The following NOS1 variants were observed in gnomAD, a reference collection of about 807,000 sequenced individuals.
NOS1 encodes NOS type I.
NOS1 carries 51 observed loss-of-function variants against 164.5 expected under a neutral mutation model. The ratio of observed to expected loss-of-function variants is 0.31; its 90% confidence interval spans 0.25 to 0.39. The LOEUF is 0.39. Among genes scored for constraint, NOS1 ranks in the 10% least tolerant of loss-of-function variants. The pLI, the probability that NOS1 is intolerant of heterozygous loss-of-function variation, is 1.00. For missense variants in NOS1, 1,362 were observed against 1,885.6 expected, an observed-to-expected ratio of 0.72 and a Z score of 5.14; for synonymous variants, 719 against 745.8, an observed-to-expected ratio of 0.96 and a Z score of 0.59.
chr12:117,349,988 G>A (rs1369865456), intron 1 of NOS1, among the ~76,000 whole-genome samples: 1 of 152,028 alleles, frequency 6.6e-6, no homozygotes, highest in Non-Finnish European at 1.5e-5. Context: ...ACCTCCCAAA[G>A]TGCTGGGTTT....
chr12:117,315,235 G>A (rs1874618019), intron 2 of NOS1, among the ~76,000 whole-genome samples: 1 of 151,782 alleles, frequency 6.6e-6, no homozygotes, highest in African/African-American at 2.4e-5. Context: ...AGATAGTCTT[G>A]CTCTGTCTCC....
intron 20 of NOS1, among the ~76,000 whole-genome samples, chr12:117,241,761 A>G (rs1870192746): frequency 6.6e-6 from 1 of 152,236 alleles, no homozygotes; most frequent in Non-Finnish European, 1.5e-5. Context: ...CAGAACGGCC[A>G]TCAGAACCGC....
rs1956493076 is a variant in NOS1 at position 117,209,336 on chromosome 12, C to CAGT, written c.*5970_*5972dup. 2 of 966,484 alleles carry CAGT rather than the reference C, an allele frequency of 2.1e-6. No homozygotes were observed. The highest frequency in any genetic ancestry group is 9.6e-5 in the South Asian group (2 of 20,922). The allele number at this position is 966,484 out of a possible 1,614,324, so 59.9% of individuals were successfully genotyped here. A position where few individuals can be genotyped will look rare whatever the true frequency, so the allele number is the denominator to read the frequency against. The stretch of plus-strand genomic sequence containing the variant: ...GCCAGGAATGCTGCTCAGCTTCCTA[C>CAGT]AGTACCCAAGACGGCCCCCACAAGA... On this transcript the variant is annotated 3_prime_UTR_variant, in exon 29 of 29. Coordinates refer to ENST00000317775, the MANE Select transcript of NOS1 (RefSeq NM_000620.5).
At chr12:117,293,750 T>C (rs1359102764) in intron 3 of NOS1, among the ~76,000 whole-genome samples, 1 of 151,952 alleles carries the variant, frequency 6.6e-6, no homozygotes, top group Non-Finnish European at 1.5e-5. Context: ...TGTATTACTA[T>C]TATTACTTCT....
At chr12:117,256,224 C>T (rs943813532) in intron 16 of NOS1, among the ~76,000 whole-genome samples, 2 of 150,118 alleles carry the variant, frequency 1.3e-5, no homozygotes, top group African/African-American at 5.0e-5. Context: ...TCCTGGGTAT[C>T]AAACTTATGT....
chr12:117,331,265 G>T lies in NOS1; in HGVS notation c.-196C>A, dbSNP rs558603426. 9.6e-6 allele frequency: 6 copies of T among 622,238 alleles called. No individual in the cohort carries two copies. In the South Asian group the frequency reaches 1.3e-4, roughly 14 times the overall value. 38.5% of individuals were successfully genotyped at this position (622,238 alleles called of 1,614,324 possible). ...ACTCATGGCTGGTGGCCCGTCGGTG[G>T]CATGATTTCCTGCATCCGCCTCTCT... On this transcript the variant is annotated 5_prime_UTR_variant, in exon 2 of 29. Coordinates refer to ENST00000317775, the MANE Select transcript of NOS1 (RefSeq NM_000620.5).
At chr12:117,350,270 C>T (rs569579867) in intron 1 of NOS1, among the ~76,000 whole-genome samples, 78 of 152,332 alleles carry the variant, frequency 5.1e-4, no homozygotes, top group African/African-American at 1.6e-3. Flanking sequence ...GGGCACAGCA[C>T]GCCATTGCCA....
chr12:117,233,922 A>G (rs1869482787), intron 21 of NOS1, among the ~76,000 whole-genome samples: 1 of 151,838 alleles, frequency 6.6e-6, no homozygotes. Context: ...TTGACTTTAC[A>G]TCCTAGCTCT....
rs41403945 is a variant in NOS1, at chr12:117,272,621, A to G, written c.1665-62T>C. On this transcript the variant is annotated intron_variant, in intron 9 of 28. Coordinates refer to ENST00000317775, the MANE Select transcript of NOS1 (RefSeq NM_000620.5). This position sits in a 1 kb window ranked among gnomAD's most constrained non-coding sequence, Gnocchi z 4.3. ...GGTGTCTCATGGGCGGGACAGCTTGAATCTAGAGATGCTGAAATGCCAAGG... is the reference window on the plus strand; with the variant it reads ...GGTGTCTCATGGGCGGGACAGCTTGGATCTAGAGATGCTGAAATGCCAAGG... 271 of 1,494,432 alleles carry G rather than the reference A, an allele frequency of 1.8e-4. 1 individual carries two copies. In the African/African-American group the frequency reaches 3.2e-3, roughly 18 times the overall value. 92.6% of individuals were successfully genotyped at this position (1,494,432 alleles called of 1,614,324 possible).
At position 117,331,178 on chromosome 12, in the gene NOS1, G is replaced by T; in HGVS notation, c.-109C>A. On this transcript the variant is annotated 5_prime_UTR_variant, in exon 2 of 29. Coordinates refer to ENST00000317775, the MANE Select transcript of NOS1 (RefSeq NM_000620.5). Reference sequence around the variant, plus strand: ...CAGGCTACACGGAGAGCAGGAGCCGGGGTGACAGGTGCTGACAAGGCTTCA... The same window carrying T: ...CAGGCTACACGGAGAGCAGGAGCCGTGGTGACAGGTGCTGACAAGGCTTCA... 1 of 1,389,624 alleles carries T rather than the reference G, an allele frequency of 7.2e-7. No individual in the cohort carries two copies. 86.1% of individuals were successfully genotyped at this position (1,389,624 alleles called of 1,614,324 possible).
At chr12:117,304,037 C>T (rs1049307874) in intron 3 of NOS1, among the ~76,000 whole-genome samples, 5 of 152,006 alleles carry the variant, frequency 3.3e-5, no homozygotes, top group South Asian at 2.1e-4. Flanking sequence ...CCGGGCGTGG[C>T]GGCGTGCGCC....
At chr12:117,335,729 T>TGAGA (rs60613906) in intron 1 of NOS1, among the ~76,000 whole-genome samples, 9,994 of 112,386 alleles carry the variant, frequency 0.089, 1,153 homozygotes, top group East Asian at 0.21. Context: ...ACAGACTATA[T>TGAGA]GAGAGAGAGA....
rs562325629 is a variant in NOS1, at chr12:117,300,563, G to C, written c.853-10137C>G. ...CGATGGCTCAGGTGGAAGGAAGGAA[G>C]ATGCCTCTGGGATGGAGAGAGACTG... On this transcript the variant is annotated intron_variant, in intron 3 of 28. Transcript: ENST00000317775. 4.8e-4 allele frequency among the ~76,000 whole-genome samples: 73 copies of C among 152,264 alleles called. 1 individual carries two copies. Among genetic ancestry groups the C allele is most frequent in the African/African-American group, 1.6e-3 (66 of 41,550 alleles).
chr12:117,291,944 G>A (rs1873092930), intron 3 of NOS1, among the ~76,000 whole-genome samples: 1 of 152,116 alleles, frequency 6.6e-6, no homozygotes, highest in Admixed American at 6.6e-5. Flanking sequence ...TAAGGGAGGG[G>A]CAGCAGGTGC....
At position 117,337,106 on chromosome 12, in the gene NOS1, C is replaced by T. The variant is rs113471059; in HGVS notation, c.-420-5617G>A. Reference sequence around the variant, plus strand: ...CCACTGTACCCAGCTGCTTTTTACTCTTTTTTTTTTTTTTTTTTTTTTTTT... The same window carrying T: ...CCACTGTACCCAGCTGCTTTTTACTTTTTTTTTTTTTTTTTTTTTTTTTTT... On this transcript the variant is annotated intron_variant, in intron 1 of 28. Transcript: ENST00000317775. 4.5e-3 allele frequency among the ~76,000 whole-genome samples: 289 copies of T among 64,228 alleles called. 20 individuals carry two copies. The highest frequency in any genetic ancestry group is 0.012 in the Middle Eastern group (1 of 82). 42.1% of individuals were successfully genotyped at this position (64,228 alleles called of 152,430 possible). A position where few individuals can be genotyped will look rare whatever the true frequency, so the allele number is the denominator to read the frequency against.
chr12:117,222,594 A>G (rs747104068), intron 26 of NOS1, 121 bp downstream of exon 26: 1 of 910,996 alleles, frequency 1.1e-6, no homozygotes, highest in Non-Finnish European at 1.7e-6. Context: ...TGAAGTACAG[A>G]GCAACTTCAT....
At chr12:117,252,973 C>T (rs531408399) in intron 17 of NOS1, among the ~76,000 whole-genome samples, 2 of 152,288 alleles carry the variant, frequency 1.3e-5, no homozygotes, top group East Asian at 3.9e-4. Context: ...CTTCCAAGAA[C>T]CCATTAAACT....
rs1872828156 is a variant in NOS1, at chr12:117,272,084, T to C, written c.1839+301A>G. 6.6e-6 allele frequency among the ~76,000 whole-genome samples: 1 copy of C among 152,182 alleles called. No individual in the cohort carries two copies. The highest frequency in any genetic ancestry group is 1.5e-5 in the Non-Finnish European group (1 of 68,022). ...GCTGTGTGACCTTGAGCTTGTCATC[T>C]GTCGAAGGGGGATTCTCATACCTCA... is the stretch of plus-strand genomic sequence containing the variant. On this transcript the variant is annotated intron_variant, in intron 10 of 28. Coordinates refer to ENST00000317775, the MANE Select transcript of NOS1 (RefSeq NM_000620.5). The surrounding 1 kb of genome is among the most constrained non-coding windows in gnomAD (Gnocchi z 4.3).
rs1055332556 is a variant in NOS1, at chr12:117,268,253, T to C, written c.1840-109A>G. On this transcript the variant is annotated intron_variant, in intron 10 of 28. Coordinates refer to ENST00000317775, the MANE Select transcript of NOS1 (RefSeq NM_000620.5). Reference sequence around the variant, plus strand: ...ATAATTTCTTTTCTTTTTTTTTAAATGGACTCTCGCTCTGTCGCACAGGCT... The same window carrying C: ...ATAATTTCTTTTCTTTTTTTTTAAACGGACTCTCGCTCTGTCGCACAGGCT... 33 of 754,810 alleles carry C rather than the reference T, an allele frequency of 4.4e-5. No homozygotes were observed. The Admixed American group carries it at 7.4e-4, about 17-fold the overall frequency. 46.8% of individuals were successfully genotyped at this position (754,810 alleles called of 1,614,324 possible). A position where few individuals can be genotyped will look rare whatever the true frequency, so the allele number is the denominator to read the frequency against.
Sources: allele counts gnomAD v4.1 joint callset (sites outside exome capture counted in the v4.1 genomes callset), GRCh38; gene constraint gnomAD v4.1.1; non-coding constraint Gnocchi (gnomAD v3.1); transcripts MANE v1.5; gene names NCBI Gene and HGNC (gene_info 2026-07-23, HGNC 2026-07-21).